LGR5: variants seen among roughly 807,000 people sequenced by gnomAD.
The protein encoded by LGR5 is leucine-rich repeat-containing G protein-coupled receptor 5.
Under a neutral mutation model 76.7 loss-of-function variants are expected in LGR5, and 54 were observed. The ratio of observed to expected loss-of-function variants is 0.70; its 90% CI spans 0.57 to 0.88. The LOEUF (loss-of-function observed/expected upper bound fraction) is 0.88, where lower values mean the gene tolerates loss of function less well. Among genes scored for constraint, LGR5 ranks in the 40% least tolerant of loss-of-function variants. The pLI, the probability that LGR5 is intolerant of heterozygous loss-of-function variation, is 0.00. For missense variants in LGR5, 1,078 were observed against 1,073.3 expected, an observed-to-expected ratio of 1.00 and a Z score of -0.06; for synonymous variants, 406 against 421.9, an observed-to-expected ratio of 0.96 and a Z score of 0.46.
In LGR5 at chr12:71,584,976, GCCCA is replaced by G; in HGVS notation, c.*243_*246del. ...TAGATCGATCACACTATTTAAGTGA[GCCCA>G]GATCAAAAAAGCAGATTGAAATTTT... On this transcript the variant is annotated 3_prime_UTR_variant, in exon 18 of 18. Coordinates refer to ENST00000266674, the MANE Select transcript of LGR5 (RefSeq NM_003667.4). The G allele has an allele frequency of 2.4e-6, 1 of 422,890 alleles. No homozygotes were observed. The highest frequency in any genetic ancestry group is 4.2e-6 in the Non-Finnish European group (1 of 239,872). The allele number at this position is 422,890 out of a possible 1,614,324, so 26.2% of individuals were successfully genotyped here.
At chr12:71,473,210 A>C (rs1817259879) in intron 1 of LGR5, among the ~76,000 whole-genome samples, 1 of 152,212 alleles carries the variant, frequency 6.6e-6, no homozygotes, top group African/African-American at 2.4e-5. Flanking sequence ...TGGATCTGGC[A>C]CACAGAAGAT....
In LGR5 at chr12:71,494,120, CT is replaced by C. The variant is rs945394010; in HGVS notation, c.213-10487del. ...CACCATGCCCGGCTAATTTTTTATA[CT>C]TTTTTTAGTAGAGACAGGGTTTCAC... is the stretch of plus-strand genomic sequence containing the variant. On this transcript the variant is annotated intron_variant, in intron 1 of 17. Transcript: ENST00000266674. Among the ~76,000 whole-genome samples the C allele has an allele frequency of 2.7e-4, 37 of 136,682 alleles. 2 individuals are homozygous for C. The highest frequency in any genetic ancestry group is 9.3e-4 in the African/African-American group (35 of 37,756). 89.7% of individuals were successfully genotyped at this position (136,682 alleles called of 152,430 possible).
chr12:71,444,672 GTAGT>G (rs1871907387), intron 1 of LGR5, among the ~76,000 whole-genome samples: 1 of 152,112 alleles, frequency 6.6e-6, no homozygotes, highest in Non-Finnish European at 1.5e-5. Flanking sequence ...AATAGCCTGT[GTAGT>G]TAAACAACAT....
rs142201552 is a variant in LGR5 at position 71,492,952 on chromosome 12, A to G, written c.213-11662A>G. Among the ~76,000 whole-genome samples, 321 of 151,368 alleles carry G rather than the reference A, an allele frequency of 2.1e-3. 3 individuals carry two copies. The highest frequency in any genetic ancestry group is 3.7e-3 in the Non-Finnish European group (253 of 68,022). ...TGATGACTAATTCAGCTGTATCAGTAACTTCCCATCCAATCTTTCATTTTT... is the reference window on the plus strand; with the variant it reads ...TGATGACTAATTCAGCTGTATCAGTGACTTCCCATCCAATCTTTCATTTTT... On this transcript the variant is annotated intron_variant, in intron 1 of 17. Transcript: ENST00000266674.
rs1565739004 is a variant in LGR5 at position 71,544,313 on chromosome 12, CTTCT to C, written c.429-8757_429-8754del. Among the ~76,000 whole-genome samples, 25 of 30,348 alleles carry C rather than the reference CTTCT, an allele frequency of 8.2e-4. 1 individual carries two copies. Among genetic ancestry groups the C allele is most frequent in the Middle Eastern group, 0.022 (1 of 46 alleles). The allele number at this position is 30,348 out of a possible 152,430, so 19.9% of individuals were successfully genotyped here. A position where few individuals can be genotyped will look rare whatever the true frequency, so the allele number is the denominator to read the frequency against. ...TCTTCGTCTTTTTTTTTTTCTTCTT[CTTCT>C]TTTTTTTTTTTTTGTTAACCATTTC... On this transcript the variant is annotated intron_variant, in intron 4 of 17. Transcript: ENST00000266674.
chr12:71,551,523 A>C (rs565413397), intron 4 of LGR5, among the ~76,000 whole-genome samples: 1 of 152,150 alleles, frequency 6.6e-6, no homozygotes, highest in South Asian at 2.1e-4. Context: ...GAAAATGCAA[A>C]TGTGTGCGTC....
chr12:71,538,539 C>A (rs1876717778), intron 4 of LGR5, among the ~76,000 whole-genome samples: 1 of 152,030 alleles, frequency 6.6e-6, no homozygotes, highest in Admixed American at 6.6e-5. Context: ...GGCTTAATTG[C>A]ACAGTTAAGT....
At chr12:71,441,239 C>T (rs890837926) in intron 1 of LGR5, among the ~76,000 whole-genome samples, 2 of 152,220 alleles carry the variant, frequency 1.3e-5, no homozygotes, top group Middle Eastern at 3.4e-3. Flanking sequence ...TGGGTGAACG[C>T]GGTGACCCAG....
chr12:71,535,871 C>A (rs1266290763), intron 4 of LGR5, among the ~76,000 whole-genome samples: 1 of 152,180 alleles, frequency 6.6e-6, no homozygotes. Flanking sequence ...CCCCCCTACA[C>A]ACACTGATTT....
At chr12:71,516,382 A>G (rs1875438210) in intron 2 of LGR5, among the ~76,000 whole-genome samples, 1 of 152,192 alleles carries the variant, frequency 6.6e-6, no homozygotes, top group Admixed American at 6.5e-5. Context: ...GGTCTGGTAG[A>G]TCTAGCCAGG....
chr12:71,536,524 T>C (rs1876594691), intron 4 of LGR5, among the ~76,000 whole-genome samples: 1 of 152,222 alleles, frequency 6.6e-6, no homozygotes, highest in Non-Finnish European at 1.5e-5. Context: ...TCACTTCTCC[T>C]TTGTTGCACA....
chr12:71,538,745 C>T (rs75457194), intron 4 of LGR5, among the ~76,000 whole-genome samples: 18 of 152,076 alleles, frequency 1.2e-4, no homozygotes, highest in Non-Finnish European at 1.6e-4. Context: ...GTAGTCCCAC[C>T]TATGCTGGAG....
intron 8 of LGR5, among the ~76,000 whole-genome samples, chr12:71,565,421 G>GATATATATATATATAT (rs1565762535): frequency 2.1e-5 from 3 of 144,152 alleles, no homozygotes; most frequent in Admixed American, 6.8e-5. Context: ...GATCAATTGA[G>GATATATATATATATAT]CTATATATAT....
At chr12:71,466,939 A>G (rs991542889) in intron 1 of LGR5, among the ~76,000 whole-genome samples, 1 of 152,136 alleles carries the variant, frequency 6.6e-6, no homozygotes, top group African/African-American at 2.4e-5. Context: ...AGTTACCAAG[A>G]AGTTATGTAA....
intron 3 of LGR5, among the ~76,000 whole-genome samples, chr12:71,533,123 T>A (rs1725964190): frequency 6.6e-6 from 1 of 152,036 alleles, no homozygotes; most frequent in Non-Finnish European, 1.5e-5. Context: ...GGTGGGAGGA[T>A]CACTTGAGGT....
intron 1 of LGR5, among the ~76,000 whole-genome samples, chr12:71,502,793 G>A (rs1326497450): frequency 6.6e-6 from 1 of 152,158 alleles, no homozygotes; most frequent in Non-Finnish European, 1.5e-5. Flanking sequence ...TCACTTCCAG[G>A]TGCTTGAAAT....
chr12:71,554,682 G>A (rs1565750899), intron 5 of LGR5, among the ~76,000 whole-genome samples: 1 of 152,212 alleles, frequency 6.6e-6, no homozygotes, highest in Non-Finnish European at 1.5e-5. Context: ...GCAAGATGGA[G>A]TCGGTTAGGT....
At chr12:71,548,707 A>G (rs769924689) in intron 4 of LGR5, among the ~76,000 whole-genome samples, 4 of 152,104 alleles carry the variant, frequency 2.6e-5, no homozygotes, top group Non-Finnish European at 5.9e-5. Context: ...ACAGATGTGA[A>G]AGCTGAGGTC....
At chr12:71,552,697 T>C (rs1475510556) in intron 4 of LGR5, among the ~76,000 whole-genome samples, 2 of 152,114 alleles carry the variant, frequency 1.3e-5, no homozygotes, top group African/African-American at 4.8e-5. Context: ...AGCAAAAACA[T>C]TCCTTTGGCT....
Sources: gnomAD v4.1 joint callset for allele counts (sites outside exome capture counted in the v4.1 genomes callset) on GRCh38, gnomAD v4.1.1 for gene constraint, MANE v1.5 for transcripts, NCBI Gene and HGNC (gene_info 2026-07-23, HGNC 2026-07-21) for gene names.